The following RPH3A variants were observed in gnomAD, a reference collection of about 807,000 sequenced individuals.
RPH3A encodes the protein rabphilin-3A.
A neutral mutation model predicts 102.2 loss-of-function variants in RPH3A; 48 were observed. That is an observed-to-expected ratio of 0.47 (90% CI 0.37 to 0.60). The LOEUF (loss-of-function observed/expected upper bound fraction) is 0.60. Ranked by LOEUF, RPH3A falls within the 20% of genes least tolerant of loss-of-function variation. RPH3A has a pLI of 0.00. For missense variants in RPH3A, 781 were observed against 910.1 expected (o/e 0.86, Z 1.83); for synonymous variants, 310 against 324.3 (o/e 0.96, Z 0.47).
At chr12:112,857,046 GGT>G (rs138676313) in intron 5 of RPH3A, among the ~76,000 whole-genome samples, 5 of 150,154 alleles carry the variant, frequency 3.3e-5, no homozygotes, top group Non-Finnish European at 7.4e-5. Flanking sequence ...CATCTGCAGG[GGT>G]GTGTGTGTGT....
intron 1 of RPH3A, among the ~76,000 whole-genome samples, chr12:112,646,887 T>A (rs746123871): frequency 6.6e-6 from 1 of 152,182 alleles, no homozygotes; most frequent in Admixed American, 6.5e-5. Context: ...GATGTGGAGA[T>A]GACCTTGTAA....
chr12:112,597,231 C>T (rs1380843352), intron 1 of RPH3A, among the ~76,000 whole-genome samples: 1 of 152,072 alleles, frequency 6.6e-6, no homozygotes, highest in African/African-American at 2.4e-5. Flanking sequence ...TTTATCTGTC[C>T]CGTTTTAATT....
At chr12:112,739,338 A>G (rs116484035) in intron 1 of RPH3A, among the ~76,000 whole-genome samples, 1,868 of 152,312 alleles carry the variant, frequency 0.012, 41 homozygotes, top group African/African-American at 0.042. Context: ...GAAGTGTATA[A>G]TTCTATCCTC....
At chr12:112,598,439 C>A (rs1203378827) in intron 1 of RPH3A, among the ~76,000 whole-genome samples, 1 of 152,088 alleles carries the variant, frequency 6.6e-6, no homozygotes, top group Non-Finnish European at 1.5e-5. Flanking sequence ...GAGTTTTTGT[C>A]CCCCTGAATG....
In RPH3A at chr12:112,841,173, T is replaced by TAAAA. The variant is rs11447068; in HGVS notation, c.83+4689_83+4692dup. On this transcript the variant is annotated intron_variant, in intron 4 of 21. Coordinates refer to ENST00000389385, the MANE Select transcript of RPH3A (RefSeq NM_001143854.2). Reference sequence around the variant, plus strand: ...GGCAACATAACAAGACCTTGTTTCTTAAAAAAAAAAAAAAAAAAAAAGCCT... The same window carrying TAAAA: ...GGCAACATAACAAGACCTTGTTTCTTAAAAAAAAAAAAAAAAAAAAAAAAAGCCT... Among the ~76,000 whole-genome samples, 22 of 33,338 alleles carry TAAAA rather than the reference T, an allele frequency of 6.6e-4. 1 individual carries two copies. The South Asian group carries it at 8.6e-3, about 13-fold the overall frequency. 21.9% of individuals were successfully genotyped at this position (33,338 alleles called of 152,430 possible).
chr12:112,611,647 T>G (rs1431211519), intron 1 of RPH3A, among the ~76,000 whole-genome samples: 2 of 152,112 alleles, frequency 1.3e-5, no homozygotes, highest in Non-Finnish European at 2.9e-5. Context: ...GGGTTCACCA[T>G]GTTGGTCAGG....
intron 1 of RPH3A, among the ~76,000 whole-genome samples, chr12:112,762,068 G>A (rs950643817): frequency 6.6e-6 from 1 of 152,182 alleles, no homozygotes; most frequent in Admixed American, 6.5e-5. Context: ...TGGAATCAGT[G>A]GAAAGTATCT....
intron 4 of RPH3A, among the ~76,000 whole-genome samples, chr12:112,841,309 C>A (rs2042139796): frequency 1.3e-5 from 2 of 151,132 alleles, no homozygotes; most frequent in African/African-American, 2.4e-5. Flanking sequence ...ATGAGGGGGG[C>A]AGGGGGTCTG....
chr12:112,886,256 G>T (rs977618877), intron 16 of RPH3A, among the ~76,000 whole-genome samples: 3 of 152,020 alleles, frequency 2.0e-5, no homozygotes, highest in Non-Finnish European at 1.5e-5. Context: ...TTATCATGCC[G>T]TGACTGGTCC....
chr12:112,704,333 G>A (rs758332925), intron 1 of RPH3A, among the ~76,000 whole-genome samples: 6 of 152,016 alleles, frequency 3.9e-5, no homozygotes, highest in Non-Finnish European at 7.4e-5. Context: ...CAGGTGATCC[G>A]CCCACCTCAG....
upstream of RPH3A, among the ~76,000 whole-genome samples, chr12:112,787,773 A>T (rs993242911): frequency 6.6e-6 from 1 of 152,194 alleles, no homozygotes; most frequent in Non-Finnish European, 1.5e-5. Flanking sequence ...GGATGAGATG[A>T]TGCCGCTGCA....
chr12:112,836,876 GAATAA>G (rs2042060129), intron 4 of RPH3A, among the ~76,000 whole-genome samples: 1 of 152,166 alleles, frequency 6.6e-6, no homozygotes, highest in African/African-American at 2.4e-5. Context: ...CTGCTACCAT[GAATAA>G]AAGATGACGA....
At chr12:112,814,661 C>T (rs1316375433) in intron 2 of RPH3A, among the ~76,000 whole-genome samples, 2 of 152,186 alleles carry the variant, frequency 1.3e-5, no homozygotes, top group Non-Finnish European at 2.9e-5. Context: ...AACTCACTGA[C>T]TCCACCATTC....
chr12:112,896,936 C>T lies in RPH3A; in HGVS notation c.*156C>T, dbSNP rs926059753. The T allele has an allele frequency of 1.7e-4, 119 of 690,982 alleles. 3 individuals carry two copies. In the East Asian group the frequency reaches 3.2e-3, roughly 19 times the overall value. 42.8% of individuals were successfully genotyped at this position (690,982 alleles called of 1,614,324 possible). ...TGAGCCCCCGTCACGTTGGGCACTG[C>T]TGCCAAAGACTCCCTCCTCCCTGAT... On this transcript the variant is annotated 3_prime_UTR_variant, in exon 22 of 22. Transcript: ENST00000389385.
intron 1 of RPH3A, among the ~76,000 whole-genome samples, chr12:112,607,899 T>G (rs1241414996): frequency 6.6e-6 from 1 of 152,178 alleles, no homozygotes; most frequent in Non-Finnish European, 1.5e-5. Context: ...TGCTTTGAAG[T>G]CACTTTCCCG....
intron 1 of RPH3A, among the ~76,000 whole-genome samples, chr12:112,616,107 G>A (rs1188959611): frequency 6.6e-6 from 1 of 152,052 alleles, no homozygotes; most frequent in Non-Finnish European, 1.5e-5. Flanking sequence ...GAGCCCTGCC[G>A]AGCAACTGGT....
At chr12:112,790,858 CA>C (rs2041091795), upstream of RPH3A, among the ~76,000 whole-genome samples, 1 of 152,168 alleles carries the variant, frequency 6.6e-6, no homozygotes. Flanking sequence ...GCTGGGCTGT[CA>C]ATTCCTTTAT....
At chr12:112,783,423 C>T (rs2041022478) in intron 1 of RPH3A, among the ~76,000 whole-genome samples, 1 of 152,178 alleles carries the variant, frequency 6.6e-6, no homozygotes, top group Non-Finnish European at 1.5e-5. Flanking sequence ...CTGCCTCCCA[C>T]ATCCCTTTTA....
At chr12:112,693,906 G>A (rs1335992956) in intron 1 of RPH3A, among the ~76,000 whole-genome samples, 2 of 152,172 alleles carry the variant, frequency 1.3e-5, no homozygotes, top group African/African-American at 4.8e-5. Flanking sequence ...GTTCTCCATT[G>A]TGCCTTGCAC....
Sources: gnomAD v4.1 joint callset for allele counts (sites outside exome capture counted in the v4.1 genomes callset) on GRCh38, gnomAD v4.1.1 for gene constraint, MANE v1.5 for transcripts, NCBI Gene and HGNC (gene_info 2026-07-23, HGNC 2026-07-21) for gene names.